The following CPNE3 variants were observed in gnomAD, a reference collection of about 807,000 sequenced individuals.
CPNE3 encodes copine 3.
CPNE3 carries 68 observed loss-of-function variants against 63.9 expected under a neutral mutation model. The observed-to-expected ratio is 1.06, with a 90% confidence interval of 0.87 to 1.30. The LOEUF (loss-of-function observed/expected upper bound fraction) is 1.30. Among genes scored for constraint, CPNE3 ranks in the 50% most tolerant of loss-of-function variants. The pLI is 0.00. For synonymous variants in CPNE3, 219 were observed against 197.5 expected, an observed-to-expected ratio of 1.11 and a Z score of -0.91; for missense variants, 665 against 578.1, an observed-to-expected ratio of 1.15 and a Z score of -1.54.
intron 14 of CPNE3, chr8:86,551,488 A>G: frequency 5.4e-6 from 2 of 368,240 alleles, no homozygotes; most frequent in Non-Finnish European, 9.6e-6. Context: ...AAATCCTCCT[A>G]CCTTAAGAAC....
intron 2 of CPNE3, among the ~76,000 whole-genome samples, chr8:86,517,236 A>G (rs1820335726): frequency 1.3e-5 from 2 of 152,206 alleles, no homozygotes; most frequent in South Asian, 4.1e-4. Context: ...TTATGGTCAC[A>G]TTTACCAATA....
At chr8:86,558,062 C>A (rs1423149146) in intron 16 of CPNE3, among the ~76,000 whole-genome samples, 1 of 151,958 alleles carries the variant, frequency 6.6e-6, no homozygotes, top group Admixed American at 6.6e-5. Flanking sequence ...AATGCTGGCA[C>A]CGAAAAAGGA....
intron 8 of CPNE3, among the ~76,000 whole-genome samples, chr8:86,540,925 AAG>A (rs992747572): frequency 1.3e-5 from 2 of 152,198 alleles, no homozygotes; most frequent in Non-Finnish European, 2.9e-5. Flanking sequence ...TATTTAAAAA[AAG>A]AGTAAAAATA....
chr8:86,556,202 T>A lies in CPNE3; in HGVS notation c.1355T>A (p.Ile452Lys), dbSNP rs1302597338. 1 of 873,050 alleles carries A rather than the reference T, an allele frequency of 1.1e-6. No individual in the cohort carries two copies. The highest frequency in any genetic ancestry group is 2.0e-6 in the Non-Finnish European group (1 of 501,690). The allele number at this position is 873,050 out of a possible 1,614,324, so 54.1% of individuals were successfully genotyped here. The part of the protein sequence containing the change: ...VNASRLPMSI[I>K]IVGVGGADFS... ...GCCTCCAGGCTGCCTATGTCCATCATAATTGTTGGAGTTGGAGGTGCTGAC... is the reference window on the plus strand; with the variant it reads ...GCCTCCAGGCTGCCTATGTCCATCAAAATTGTTGGAGTTGGAGGTGCTGAC... The change falls in exon 16 of 17, where the codon ATA becomes AAA. Residue 452 changes from isoleucine (I) to lysine (K), a missense_variant. Ile to Lys is a moderately radical substitution (Grantham distance 102, BLOSUM62 -3). Coordinates refer to ENST00000517490, the MANE Select transcript of CPNE3 (RefSeq NM_003909.5).
intron 16 of CPNE3, 33 bp downstream of exon 16, chr8:86,556,371 A>C: frequency 1.1e-6 from 1 of 871,334 alleles, no homozygotes; most frequent in Non-Finnish European, 2.0e-6. Context: ...CAAACACTAA[A>C]GTGACTGAAC....
chr8:86,518,138 G>A (rs954697538), intron 2 of CPNE3, among the ~76,000 whole-genome samples: 1 of 152,132 alleles, frequency 6.6e-6, no homozygotes, highest in African/African-American at 2.4e-5. Flanking sequence ...AGGAGCACAC[G>A]GTGATGAATT....
At chr8:86,527,242 C>T (rs534777767) in intron 2 of CPNE3, among the ~76,000 whole-genome samples, 28 of 152,164 alleles carry the variant, frequency 1.8e-4, no homozygotes, top group African/African-American at 6.3e-4. Flanking sequence ...CAGAACCTGC[C>T]CTAGCACCAT....
chr8:86,537,975 T>TCA (rs1820839527), intron 7 of CPNE3, among the ~76,000 whole-genome samples: 1 of 125,064 alleles, frequency 8.0e-6, no homozygotes, highest in African/African-American at 2.7e-5. Context: ...TGTCTCTCTC[T>TCA]CTCTCTCTCT....
intron 6 of CPNE3, among the ~76,000 whole-genome samples, chr8:86,536,356 C>T (rs1820804757): frequency 6.7e-6 from 1 of 149,194 alleles, no homozygotes; most frequent in East Asian, 2.0e-4. Context: ...TCCTGGAGAT[C>T]AGAGCCAGGG....
intron 7 of CPNE3, among the ~76,000 whole-genome samples, chr8:86,538,241 A>C (rs1240422418): frequency 6.6e-6 from 1 of 152,048 alleles, no homozygotes; most frequent in Non-Finnish European, 1.5e-5. Flanking sequence ...CAGGTGTGGT[A>C]GCACTTGCCT....
At chr8:86,525,913 C>T (rs931214886) in intron 2 of CPNE3, among the ~76,000 whole-genome samples, 2 of 152,158 alleles carry the variant, frequency 1.3e-5, no homozygotes, top group Admixed American at 6.5e-5. Context: ...TCATACAACT[C>T]ACATTTATTT....
chr8:86,533,006 A>G (rs1283384518), intron 6 of CPNE3, among the ~76,000 whole-genome samples: 1 of 150,542 alleles, frequency 6.6e-6, no homozygotes, highest in African/African-American at 2.4e-5. Context: ...ATGGATTATA[A>G]TAATTCTTTT....
chr8:86,546,538 A>T, intron 9 of CPNE3, 57 bp from the exon 10 acceptor site: 1 of 1,559,650 alleles, frequency 6.4e-7, no homozygotes, highest in Non-Finnish European at 8.8e-7. Context: ...TTAAAGTCAC[A>T]TTGGCATTTC....
chr8:86,537,668 G>A, intron 7 of CPNE3, 22 bp downstream of exon 7: 1 of 1,300,810 alleles, frequency 7.7e-7, no homozygotes, highest in East Asian at 2.3e-5. Context: ...AATTTGAAAA[G>A]CAGAGTGGAG....
intron 10 of CPNE3, chr8:86,547,423 C>T: frequency 3.7e-6 from 1 of 273,302 alleles, no homozygotes; most frequent in Non-Finnish European, 6.8e-6. Context: ...TTTTAAAGCC[C>T]TCAACATATT....
intron 2 of CPNE3, among the ~76,000 whole-genome samples, chr8:86,523,589 G>C (rs78152836): frequency 0.054 from 8,261 of 152,198 alleles, 313 homozygotes; most frequent in Non-Finnish European, 0.087. Flanking sequence ...TGAAGTGTTT[G>C]TTTTGTTTTG....
chr8:86,522,255 T>C (rs1820450157), intron 2 of CPNE3, among the ~76,000 whole-genome samples: 1 of 152,210 alleles, frequency 6.6e-6, no homozygotes, highest in African/African-American at 2.4e-5. Context: ...ACTATTTCTA[T>C]GTATACATAG....
chr8:86,546,693 T>G lies in CPNE3; in HGVS notation c.819+12T>G, dbSNP rs767083415. 1 of 1,582,686 alleles carries G rather than the reference T, an allele frequency of 6.3e-7. No individual in the cohort carries two copies. ...TGAAACAGTGTGAGGTCCGTTGGCC[T>G]TGGCTACTTATTTTTATTTATTTAT... On this transcript the variant is annotated intron_variant, in intron 10 of 16. Coordinates refer to ENST00000517490, the MANE Select transcript of CPNE3 (RefSeq NM_003909.5).
At chr8:86,535,450 T>A (rs1820782680) in intron 6 of CPNE3, among the ~76,000 whole-genome samples, 3 of 152,040 alleles carry the variant, frequency 2.0e-5, no homozygotes, top group Non-Finnish European at 4.4e-5. Context: ...GGTGGAACAC[T>A]TGAGGTCAGG....
Sources: gnomAD v4.1 joint callset for allele counts (sites outside exome capture counted in the v4.1 genomes callset) on GRCh38, gnomAD v4.1.1 for gene constraint, MANE v1.5 for transcripts, NCBI Gene and HGNC (gene_info 2026-07-23, HGNC 2026-07-21) for gene names.